CDK14: variants seen among roughly 807,000 people sequenced by gnomAD.
CDK14 encodes the protein cyclin-dependent kinase 14.
In CDK14, 34 loss-of-function variants were observed where a neutral mutation model predicts 60.7. The ratio of observed to expected loss-of-function variants is 0.56; its 90% CI spans 0.43 to 0.75. CDK14 has a LOEUF of 0.75. CDK14 is among the 30% of genes least tolerant of loss of function. The pLI is 0.00. For missense variants in CDK14, 482 were observed against 564.1 expected (o/e 0.85, Z 1.47); for synonymous variants, 197 against 203.7 (o/e 0.97, Z 0.28).
chr7:90,714,313 G>C (rs967538017), intron 2 of CDK14, among the ~76,000 whole-genome samples: 1 of 152,002 alleles, frequency 6.6e-6, no homozygotes, highest in Non-Finnish European at 1.5e-5. Flanking sequence ...ACAGTGAAAC[G>C]CTTCTGGAAG....
At chr7:91,014,190 G>A (rs946505945) in intron 10 of CDK14, among the ~76,000 whole-genome samples, 5 of 152,060 alleles carry the variant, frequency 3.3e-5, no homozygotes, top group African/African-American at 1.2e-4. Flanking sequence ...ATACATTCCT[G>A]GTAATGAGGA....
chr7:91,100,004 T>C (rs1430925928), intron 12 of CDK14, among the ~76,000 whole-genome samples: 1 of 152,138 alleles, frequency 6.6e-6, no homozygotes, highest in East Asian at 1.9e-4. Flanking sequence ...TGAAAAGTAA[T>C]TATTGGTGCC....
At chr7:90,791,898 G>T (rs920225098) in intron 5 of CDK14, among the ~76,000 whole-genome samples, 1 of 110,874 alleles carries the variant, frequency 9.0e-6, no homozygotes, top group Non-Finnish European at 1.7e-5. Flanking sequence ...GACAGGAAAG[G>T]GCTTCTTTTT....
chr7:90,803,104 C>A (rs984722619), intron 5 of CDK14, among the ~76,000 whole-genome samples: 1 of 75,896 alleles, frequency 1.3e-5, no homozygotes, highest in Non-Finnish European at 2.4e-5. Context: ...GTGAGTTAAC[C>A]ATTTTTTTTT....
intron 11 of CDK14, among the ~76,000 whole-genome samples, chr7:91,074,677 CA>C (rs1038903162): frequency 1.6e-4 from 25 of 151,642 alleles, no homozygotes; most frequent in Admixed American, 5.3e-4. Context: ...TATGGAGACA[CA>C]AAAAAACCCT....
Position 90,998,821 on chromosome 7 carries a change from G to A in CDK14, c.1041+14580G>A, listed in dbSNP as rs546946020. 2.0e-4 allele frequency among the ~76,000 whole-genome samples: 30 copies of A among 152,222 alleles called. No individual in the cohort carries two copies. In the South Asian group the frequency reaches 6.0e-3, roughly 31 times the overall value. On this transcript the variant is annotated intron_variant, in intron 10 of 14. Coordinates refer to ENST00000380050, the MANE Select transcript of CDK14 (RefSeq NM_001287135.2). ...GGAGAATGGCCTGAACCCGGGAGGC[G>A]GAGCTTGCAGTGAGCGGAGATCGCG...
chr7:90,686,046 T>C (rs1356837668), intron 2 of CDK14, among the ~76,000 whole-genome samples: 1 of 152,172 alleles, frequency 6.6e-6, no homozygotes, highest in Non-Finnish European at 1.5e-5. Context: ...CAGCGCAGCA[T>C]AGTGTGTGTT....
At chr7:91,057,439 G>C (rs1797613389) in intron 11 of CDK14, among the ~76,000 whole-genome samples, 1 of 151,894 alleles carries the variant, frequency 6.6e-6, no homozygotes, top group African/African-American at 2.4e-5. Context: ...TTTGGCTTTT[G>C]TTGCCATTGC....
At chr7:90,940,791 A>T (rs1339996009) in intron 8 of CDK14, among the ~76,000 whole-genome samples, 1 of 152,118 alleles carries the variant, frequency 6.6e-6, no homozygotes, top group African/African-American at 2.4e-5. Context: ...GTCTCAAAAA[A>T]AAAAAGTGTA....
chr7:90,782,395 G>A (rs1328037665), intron 4 of CDK14, among the ~76,000 whole-genome samples: 1 of 152,024 alleles, frequency 6.6e-6, no homozygotes, highest in Non-Finnish European at 1.5e-5. Context: ...TTTCCTAATT[G>A]AATACCCTTT....
At chr7:91,136,347 G>T (rs183260569) in intron 14 of CDK14, among the ~76,000 whole-genome samples, 1 of 152,046 alleles carries the variant, frequency 6.6e-6, no homozygotes, top group Non-Finnish European at 1.5e-5. Flanking sequence ...GATATTTATG[G>T]GTCAGAAGTC....
intron 2 of CDK14, among the ~76,000 whole-genome samples, chr7:90,702,556 A>G (rs918852329): frequency 3.4e-5 from 5 of 146,692 alleles, no homozygotes; most frequent in African/African-American, 1.3e-4. Flanking sequence ...AAACAATGCC[A>G]CAGGAAAGTC....
chr7:90,672,409 A>G (rs970177816), intron 2 of CDK14, among the ~76,000 whole-genome samples: 1 of 151,580 alleles, frequency 6.6e-6, no homozygotes, highest in Non-Finnish European at 1.5e-5. Context: ...GAGTCATACA[A>G]TTACAATATG....
intron 10 of CDK14, among the ~76,000 whole-genome samples, chr7:91,003,507 A>G (rs1380823025): frequency 6.6e-6 from 1 of 152,186 alleles, no homozygotes; most frequent in Non-Finnish European, 1.5e-5. Flanking sequence ...GTGTAATGCA[A>G]GCTGGTAGAT....
chr7:91,203,085 G>A (rs1385599475), intron 14 of CDK14, among the ~76,000 whole-genome samples: 1 of 151,962 alleles, frequency 6.6e-6, no homozygotes, highest in African/African-American at 2.4e-5. Flanking sequence ...AGATGTACTG[G>A]AAATCAAATC....
chr7:91,202,381 C>T (rs1352577735), intron 14 of CDK14, among the ~76,000 whole-genome samples: 1 of 152,180 alleles, frequency 6.6e-6, no homozygotes, highest in Non-Finnish European at 1.5e-5. Flanking sequence ...ATCCACTAAT[C>T]TTATGATTTA....
intron 8 of CDK14, among the ~76,000 whole-genome samples, chr7:90,952,968 A>G (rs555312433): frequency 6.6e-6 from 1 of 152,270 alleles, no homozygotes; most frequent in African/African-American, 2.4e-5. Context: ...ATATATATTT[A>G]TACTTCAAAG....
intron 2 of CDK14, among the ~76,000 whole-genome samples, chr7:90,685,759 T>C (rs1357555787): frequency 6.6e-6 from 1 of 150,576 alleles, no homozygotes. Context: ...CTAGCCAGCA[T>C]TGAATTTAGA....
At chr7:91,135,272 T>G (rs1409965475) in intron 14 of CDK14, among the ~76,000 whole-genome samples, 2 of 152,050 alleles carry the variant, frequency 1.3e-5, no homozygotes, top group Non-Finnish European at 2.9e-5. Flanking sequence ...AAAAAAAGAT[T>G]TAAATGAGAA....
Sources: gnomAD v4.1 joint callset for allele counts (sites outside exome capture counted in the v4.1 genomes callset) on GRCh38, gnomAD v4.1.1 for gene constraint, MANE v1.5 for transcripts, NCBI Gene and HGNC (gene_info 2026-07-23, HGNC 2026-07-21) for gene names.